COL12A1: variants seen among roughly 807,000 people sequenced by gnomAD.
The protein encoded by COL12A1 is collagen alpha-1(XII) chain.
A neutral mutation model predicts 349.7 loss-of-function variants in COL12A1; 114 were observed. The observed-to-expected ratio is 0.33, with a 90% CI of 0.28 to 0.38. The LOEUF (loss-of-function observed/expected upper bound fraction) is 0.38. Ranked by LOEUF, COL12A1 falls within the 10% of genes least tolerant of loss-of-function variation. The pLI is 1.00. For synonymous variants in COL12A1, 1,369 were observed against 1,329.0 expected (o/e 1.03, Z -0.66); for missense variants, 3,284 against 3,756.9 (o/e 0.87, Z 3.29).
Position 75,123,361 on chromosome 6 carries a change from A to T in COL12A1, c.6915T>A (p.Pro2305=). ...TEAPTEPPTP[P]PPPTIPPARD... is the part of the protein sequence containing the mutation. ...GGGCTGGTGGAATGGTGGGAGGGGG[A>T]GGAGGTGTGGGTGGCTCTGTAGGGG... Residue 2305 remains proline, a synonymous_variant, in exon 43 of 66, where the codon CCT becomes CCA. Coordinates refer to ENST00000322507, the MANE Select transcript of COL12A1 (RefSeq NM_004370.6). 1 of 1,606,610 alleles carries T rather than the reference A, an allele frequency of 6.2e-7. No individual in the cohort carries two copies. Among genetic ancestry groups the T allele is most frequent in the South Asian group, 1.1e-5 (1 of 89,544 alleles).
intron 25 of COL12A1, 97 bp from the exon 26 acceptor site, chr6:75,143,485 T>A: frequency 1.4e-6 from 2 of 1,397,926 alleles, no homozygotes; most frequent in Non-Finnish European, 1.9e-6. Context: ...GGAGAAAATT[T>A]AAAGGTGTTT....
At chr6:75,129,048 G>A (rs80149156) in intron 37 of COL12A1, among the ~76,000 whole-genome samples, 5,368 of 152,318 alleles carry the variant, frequency 0.035, 151 homozygotes, top group African/African-American at 0.082. Context: ...AGGTATGCCA[G>A]TGAATCCTGG....
At chr6:75,096,243 T>G (rs571266443) in intron 59 of COL12A1, among the ~76,000 whole-genome samples, 4 of 152,252 alleles carry the variant, frequency 2.6e-5, no homozygotes, top group Non-Finnish European at 5.9e-5. Context: ...CCATTAATTA[T>G]GCAAATGTTA....
At chr6:75,196,084 C>T (rs1274893151) in intron 2 of COL12A1, among the ~76,000 whole-genome samples, 4 of 152,134 alleles carry the variant, frequency 2.6e-5, no homozygotes, top group Non-Finnish European at 5.9e-5. Context: ...AAAGACGTTT[C>T]CTAAATATTT....
intron 14 of COL12A1, among the ~76,000 whole-genome samples, chr6:75,164,274 A>G (rs1274554320): frequency 1.3e-5 from 2 of 152,178 alleles, no homozygotes; most frequent in Non-Finnish European, 2.9e-5. Flanking sequence ...GCAAATGATA[A>G]AAAGAAAATG....
intron 13 of COL12A1, among the ~76,000 whole-genome samples, chr6:75,170,446 G>A (rs1389030945): frequency 5.9e-5 from 9 of 152,270 alleles, no homozygotes; most frequent in African/African-American, 1.9e-4. Context: ...CAATGAATTA[G>A]AGCCACCATT....
In COL12A1 at chr6:75,156,253, A is replaced by G; in HGVS notation, c.3250+4T>C. On this transcript the variant is annotated splice_donor_region_variant and intron_variant, in intron 15 of 65. Coordinates refer to ENST00000322507, the MANE Select transcript of COL12A1 (RefSeq NM_004370.6). Reference sequence around the variant, plus strand: ...CCCCTCAAAATATAATTATTATTTCATACCTGTTGTTCCTGATCCTTGCCT... The same window carrying G: ...CCCCTCAAAATATAATTATTATTTCGTACCTGTTGTTCCTGATCCTTGCCT... 1 of 1,613,452 alleles carries G rather than the reference A, an allele frequency of 6.2e-7. No homozygotes were observed. The highest frequency in any genetic ancestry group is 1.3e-5 in the African/African-American group (1 of 75,008).
Position 75,085,485 on chromosome 6 carries a change from T to C in COL12A1, c.*1062A>G. On this transcript the variant is annotated 3_prime_UTR_variant, in exon 66 of 66. Transcript: ENST00000322507. ...CCAGTCTTAATCTCATAACTATAAA[T>C]AGATAAGTTACAATGTCCCAATTAT... The C allele has an allele frequency of 2.9e-6, 1 of 348,478 alleles. No individual in the cohort carries two copies. The highest frequency in any genetic ancestry group is 2.2e-5 in the South Asian group (1 of 45,418). The allele number at this position is 348,478 out of a possible 1,614,324, so 21.6% of individuals were successfully genotyped here. A position where few individuals can be genotyped will look rare whatever the true frequency, so the allele number is the denominator to read the frequency against.
At chr6:75,105,406 T>G in intron 53 of COL12A1, 114 bp from the exon 54 acceptor site, 1 of 711,628 alleles carries the variant, frequency 1.4e-6, no homozygotes, top group Non-Finnish European at 2.4e-6. Flanking sequence ...AAGAAATAAT[T>G]TTAATTATCA....
In COL12A1 at chr6:75,130,836, A is replaced by T; in HGVS notation, c.6067+16T>A. ...AGCTACAAGGGAATGGAATGGAGAA[A>T]GGATTTCTGCCTCACGCGTTCGGCC... On this transcript the variant is annotated intron_variant, in intron 36 of 65. Coordinates refer to ENST00000322507, the MANE Select transcript of COL12A1 (RefSeq NM_004370.6). 1 of 1,613,930 alleles carries T rather than the reference A, an allele frequency of 6.2e-7. No homozygotes were observed. The highest frequency in any genetic ancestry group is 8.5e-7 in the Non-Finnish European group (1 of 1,179,884).
chr6:75,122,643 A>G (rs1765801621), intron 43 of COL12A1, among the ~76,000 whole-genome samples: 1 of 152,198 alleles, frequency 6.6e-6, no homozygotes, highest in Non-Finnish European at 1.5e-5. Flanking sequence ...TTTTACTTAT[A>G]TAATAGGTTT....
chr6:75,123,498 C>A, intron 42 of COL12A1, 94 bp from the exon 43 acceptor site: 5 of 993,100 alleles, frequency 5.0e-6, no homozygotes, highest in Non-Finnish European at 7.5e-6. Flanking sequence ...TCCTGGATAC[C>A]AAATCAAGTC....
intron 10 of COL12A1, among the ~76,000 whole-genome samples, 169 bp from the exon 11 acceptor site, chr6:75,181,380 C>T (rs1437170583): frequency 6.6e-6 from 1 of 152,034 alleles, no homozygotes; most frequent in African/African-American, 2.4e-5. Context: ...GAGAAAGCCC[C>T]CCACAACTTA....
At chr6:75,191,640 G>T in intron 5 of COL12A1, 61 bp downstream of exon 5, 1 of 1,163,834 alleles carries the variant, frequency 8.6e-7, no homozygotes. Flanking sequence ...TGGAACATCT[G>T]TTCTATCCTA....
rs534772570 is a variant in COL12A1 at position 75,182,428 on chromosome 6, T to C, written c.1891+622A>G. 1.0e-3 allele frequency among the ~76,000 whole-genome samples: 157 copies of C among 152,168 alleles called. 1 individual carries two copies. Among genetic ancestry groups the C allele is most frequent in the Non-Finnish European group, 1.7e-3 (113 of 67,990 alleles). ...CCCCTGTGTCCATGTGTTCTCATTA[T>C]TCAACTCCCACATATGAGTGAGAAC... On this transcript the variant is annotated intron_variant, in intron 10 of 65. Coordinates refer to ENST00000322507, the MANE Select transcript of COL12A1 (RefSeq NM_004370.6).
intron 13 of COL12A1, among the ~76,000 whole-genome samples, chr6:75,170,964 T>G (rs1350415820): frequency 6.6e-6 from 1 of 152,224 alleles, no homozygotes; most frequent in African/African-American, 2.4e-5. Context: ...AAAAGTCATA[T>G]TTTCCATAGC....
chr6:75,166,283 T>C (rs1024095887), intron 13 of COL12A1, among the ~76,000 whole-genome samples: 4 of 152,218 alleles, frequency 2.6e-5, no homozygotes, highest in Non-Finnish European at 5.9e-5. Context: ...CAAAACTTAA[T>C]GCCAACAACA....
Position 75,084,779 on chromosome 6 carries a change from A to G in COL12A1, c.*1768T>C, listed in dbSNP as rs1767400822. 6.4e-6 allele frequency: 1 copy of G among 155,896 alleles called. No individual in the cohort carries two copies. Among genetic ancestry groups the G allele is most frequent in the Admixed American group, 6.2e-5 (1 of 16,070 alleles). 9.7% of individuals were successfully genotyped at this position (155,896 alleles called of 1,614,324 possible). ...CCTCCTTTTTGGTTTTAGGAGGGGA[A>G]TTATTTGAATCGTGGTGTAATTGAA... On this transcript the variant is annotated 3_prime_UTR_variant, in exon 66 of 66. Coordinates refer to ENST00000322507, the MANE Select transcript of COL12A1 (RefSeq NM_004370.6).
chr6:75,178,024 T>A, intron 11 of COL12A1, 89 bp from the exon 12 acceptor site: 1 of 1,225,460 alleles, frequency 8.2e-7, no homozygotes, highest in Non-Finnish European at 1.1e-6. Flanking sequence ...ATTACTAAAT[T>A]ATACCATTTC....
Sources: allele counts gnomAD v4.1 joint callset (sites outside exome capture counted in the v4.1 genomes callset), GRCh38; gene constraint gnomAD v4.1.1; transcripts MANE v1.5; gene names NCBI Gene and HGNC (gene_info 2026-07-23, HGNC 2026-07-21).